CCDC146: variants seen among roughly 807,000 people sequenced by gnomAD.
CCDC146 encodes the protein coiled-coil domain-containing protein 146.
A neutral mutation model predicts 119.3 loss-of-function variants in CCDC146; 92 were observed. The ratio of observed to expected loss-of-function variants is 0.77; its 90% confidence interval spans 0.65 to 0.92. The LOEUF is 0.92. CCDC146 is among the 40% of genes least tolerant of loss of function. CCDC146 has a pLI of 0.00. For missense variants in CCDC146, 1,000 were observed against 1,103.0 expected, an observed-to-expected ratio of 0.91 and a Z score of 1.32; for synonymous variants, 372 against 371.8, an observed-to-expected ratio of 1.00 and a Z score of -0.01.
intron 18 of CCDC146, among the ~76,000 whole-genome samples, chr7:77,293,877 C>T (rs931018461): frequency 1.3e-5 from 2 of 152,162 alleles, no homozygotes; most frequent in Admixed American, 6.5e-5. Flanking sequence ...CGAAAGGGTC[C>T]CTATTTGCTC....
chr7:77,217,472 A>G (rs1792321138), intron 2 of CCDC146, among the ~76,000 whole-genome samples: 1 of 152,086 alleles, frequency 6.6e-6, no homozygotes, highest in Non-Finnish European at 1.5e-5. Context: ...GTGAAAATAT[A>G]TACATATATG....
intron 2 of CCDC146, among the ~76,000 whole-genome samples, chr7:77,230,767 G>A (rs1344132343): frequency 6.6e-6 from 1 of 152,048 alleles, no homozygotes; most frequent in Non-Finnish European, 1.5e-5. Context: ...CATCCCATTT[G>A]CAAAGTTTTT....
intron 9 of CCDC146, among the ~76,000 whole-genome samples, 200 bp from the exon 10 acceptor site, chr7:77,273,494 C>T (rs1201600018): frequency 3.4e-5 from 5 of 147,946 alleles, no homozygotes; most frequent in Admixed American, 7.0e-5. Context: ...AGGTTGACTA[C>T]ACAGCAGTGA....
intron 2 of CCDC146, among the ~76,000 whole-genome samples, chr7:77,182,514 G>C (rs1791605066): frequency 6.6e-6 from 1 of 152,154 alleles, no homozygotes. Context: ...GCTCAGGCTT[G>C]TAATCCCAGC....
At chr7:77,279,523 G>A (rs1164564375) in intron 13 of CCDC146, among the ~76,000 whole-genome samples, 1 of 152,194 alleles carries the variant, frequency 6.6e-6, no homozygotes, top group East Asian at 1.9e-4. Context: ...CAATCAAATC[G>A]TTTGTTAACC....
At chr7:77,244,356 G>A (rs1032906835) in intron 4 of CCDC146, among the ~76,000 whole-genome samples, 3 of 152,182 alleles carry the variant, frequency 2.0e-5, no homozygotes, top group Non-Finnish European at 4.4e-5. Flanking sequence ...AAGGTCTACA[G>A]TAGTGTAAGT....
chr7:77,285,155 T>C (rs1320182095), intron 15 of CCDC146, among the ~76,000 whole-genome samples: 1 of 152,220 alleles, frequency 6.6e-6, no homozygotes, highest in Admixed American at 6.5e-5. Context: ...TAGGAAGTTA[T>C]ATGAACTATT....
At chr7:77,160,208 C>G (rs537283539) in intron 1 of CCDC146, among the ~76,000 whole-genome samples, 3 of 152,140 alleles carry the variant, frequency 2.0e-5, no homozygotes, top group Non-Finnish European at 4.4e-5. Context: ...AGCGTGATGC[C>G]TCCAGCTTTG....
intron 17 of CCDC146, among the ~76,000 whole-genome samples, chr7:77,289,034 T>G (rs369506548): frequency 2.0e-5 from 3 of 149,072 alleles, no homozygotes; most frequent in African/African-American, 7.5e-5. Context: ...ATCAGGCCAG[T>G]GGCAGGTGTG....
At chr7:77,143,185 A>C (rs186487982) in intron 1 of CCDC146, among the ~76,000 whole-genome samples, 57 of 151,812 alleles carry the variant, frequency 3.8e-4, no homozygotes, top group Non-Finnish European at 7.2e-4. Flanking sequence ...GCATTTTTTC[A>C]TGTGTCTGTT....
intron 4 of CCDC146, chr7:77,246,271 G>A (rs1322061285): frequency 6.6e-6 from 1 of 152,192 alleles, no homozygotes; most frequent in Non-Finnish European, 1.5e-5. Flanking sequence ...AATGGTTGTT[G>A]GATTTGTTTA....
At chr7:77,214,780 C>T (rs1792265862) in intron 2 of CCDC146, among the ~76,000 whole-genome samples, 1 of 151,990 alleles carries the variant, frequency 6.6e-6, no homozygotes. Context: ...TGTTCTGTTC[C>T]ATCGATCTGT....
At chr7:77,294,190 A>G (rs796237574) in intron 18 of CCDC146, among the ~76,000 whole-genome samples, 45 of 152,318 alleles carry the variant, frequency 3.0e-4, no homozygotes, top group African/African-American at 9.6e-4. Flanking sequence ...TTGCTCACCA[A>G]TGACTTACCA....
chr7:77,285,395 G>A (rs7780929), intron 15 of CCDC146, among the ~76,000 whole-genome samples: 39,981 of 152,080 alleles, frequency 0.26, 6,707 homozygotes, highest in African/African-American at 0.47. Context: ...ACATTTAAGG[G>A]ATGTAGATAC....
At chr7:77,212,437 T>G (rs376866675) in intron 2 of CCDC146, among the ~76,000 whole-genome samples, 7 of 151,766 alleles carry the variant, frequency 4.6e-5, no homozygotes, top group African/African-American at 1.7e-4. Context: ...CCGGCTAACA[T>G]GGTGAAACCC....
chr7:77,206,390 G>A (rs1418393581), intron 2 of CCDC146, among the ~76,000 whole-genome samples: 1 of 152,102 alleles, frequency 6.6e-6, no homozygotes, highest in African/African-American at 2.4e-5. Context: ...GCCAAGGCAG[G>A]CAGATCACTT....
At chr7:77,180,524 C>G (rs945588863) in intron 2 of CCDC146, among the ~76,000 whole-genome samples, 1 of 152,090 alleles carries the variant, frequency 6.6e-6, no homozygotes, top group Non-Finnish European at 1.5e-5. Flanking sequence ...CAAAGTGAGA[C>G]CCCACCTTTA....
chr7:77,137,055 T>C (rs147524596), intron 1 of CCDC146, among the ~76,000 whole-genome samples: 47 of 152,268 alleles, frequency 3.1e-4, no homozygotes, highest in African/African-American at 1.1e-3. Context: ...GCAAAGCCCA[T>C]TCATGATAAA....
chr7:77,271,249 C>T (rs906620792), intron 9 of CCDC146, among the ~76,000 whole-genome samples: 5 of 151,436 alleles, frequency 3.3e-5, no homozygotes, highest in Admixed American at 6.6e-5. Flanking sequence ...AATCAGCTGC[C>T]GGTGTGGCTA....
Sources: allele counts gnomAD v4.1 joint callset (sites outside exome capture counted in the v4.1 genomes callset), GRCh38; gene constraint gnomAD v4.1.1; transcripts MANE v1.5; gene names NCBI Gene and HGNC (gene_info 2026-07-23, HGNC 2026-07-21).